The following TENM3 variants were observed in gnomAD, a reference collection of about 807,000 sequenced individuals.
The protein encoded by TENM3 is teneurin-3.
TENM3 carries 63 observed loss-of-function variants against 255.1 expected under a neutral mutation model. The ratio of observed to expected loss-of-function variants is 0.25; its 90% CI spans 0.20 to 0.30. TENM3 has a LOEUF of 0.30. Among genes scored for constraint, TENM3 ranks in the 10% least tolerant of loss-of-function variants. The pLI is 1.00. For missense variants in TENM3, 2,929 were observed against 3,461.1 expected (o/e 0.85, Z 3.86); for synonymous variants, 1,306 against 1,322.3 (o/e 0.99, Z 0.27).
chr4:182,604,665 G>A (rs1242123145), intron 4 of TENM3, among the ~76,000 whole-genome samples: 3 of 152,100 alleles, frequency 2.0e-5, no homozygotes, highest in East Asian at 1.9e-4. Flanking sequence ...ATTTATATAC[G>A]TGAATTAAAC....
chr4:182,623,167 C>T (rs185072409), intron 4 of TENM3, among the ~76,000 whole-genome samples: 4,243 of 151,902 alleles, frequency 0.028, 108 homozygotes, highest in Non-Finnish European at 0.037. Context: ...CCCACCACCA[C>T]GCCCGGCTAA....
the TENM3 span, among the ~76,000 whole-genome samples, chr4:181,884,091 T>C: frequency 6.6e-6 from 1 of 152,112 alleles, no homozygotes; most frequent in Non-Finnish European, 1.5e-5. Context: ...TCTAGATGAA[T>C]TGATAATTTT....
At chr4:182,222,409 G>T (rs1755898854) in intron 1 of TENM3, among the ~76,000 whole-genome samples, 1 of 152,322 alleles carries the variant, frequency 6.6e-6, no homozygotes. Flanking sequence ...GCAAAATTCA[G>T]ATCCAAGCAA....
Position 182,626,725 on chromosome 4 carries a change from T to C in TENM3, c.750-1926T>C, listed in dbSNP as rs534667235. ...AGGCTATAAACTTTTAAATTAGCTTTTTAAAGTAGTTCAGTGGGGGGAGAT... is the reference window on the plus strand; with the variant it reads ...AGGCTATAAACTTTTAAATTAGCTTCTTAAAGTAGTTCAGTGGGGGGAGAT... On this transcript the variant is annotated intron_variant, in intron 4 of 27. Coordinates refer to ENST00000511685, the MANE Select transcript of TENM3 (RefSeq NM_001080477.4). Among the ~76,000 whole-genome samples, 5 of 152,314 alleles carry C rather than the reference T, an allele frequency of 3.3e-5. No homozygotes were observed. The South Asian group carries it at 1.0e-3, about 32-fold the overall frequency.
rs760024186 is a variant in TENM3 at position 182,728,982 on chromosome 4, A to G, written c.2386A>G (p.Met796Val). ...DNEGDGLIDC[M>V]DPDCCLQSSC... The stretch of plus-strand genomic sequence containing the variant: ...CTCTACAGATGGACTCATTGACTGC[A>G]TGGATCCCGATTGCTGCCTACAGAG... The change falls in exon 14 of 28, where the codon ATG becomes GTG. Residue 796 changes from methionine (M) to valine (V), a missense_variant. This residue lies in a region of TENM3 where 1,608 missense variants were observed against 1,884.4 expected (regional missense o/e 0.85). Transcript: ENST00000511685. 6.2e-6 allele frequency: 10 copies of G among 1,613,912 alleles called. No individual in the cohort carries two copies. The highest frequency in any genetic ancestry group is 1.1e-5 in the South Asian group (1 of 91,082).
the TENM3 span, among the ~76,000 whole-genome samples, chr4:181,642,975 C>T: frequency 1.3e-5 from 2 of 152,148 alleles, no homozygotes; most frequent in Middle Eastern, 3.4e-3. Flanking sequence ...TTAGGGTTGT[C>T]TTGGCTATGT....
At chr4:181,648,255 G>A in the TENM3 span, among the ~76,000 whole-genome samples, 86 of 152,108 alleles carry the variant, frequency 5.7e-4, no homozygotes, top group Non-Finnish European at 1.1e-3. Context: ...GCTGCTAAAC[G>A]CTAGAACATG....
At chr4:181,670,348 A>G in the TENM3 span, among the ~76,000 whole-genome samples, 1 of 152,170 alleles carries the variant, frequency 6.6e-6, no homozygotes. Flanking sequence ...CTTCTCTGGT[A>G]ATTCTAGGTT....
At position 182,752,231 on chromosome 4, in the gene TENM3, TTACAG is replaced by T. The variant is rs1489525031; in HGVS notation, c.3862+202_3862+206del. ...AAACTGCTAGCATCCTAACTTGGTT[TTACAG>T]TAAATACTAGGTTCTTGGCATTTTT... On this transcript the variant is annotated intron_variant, in intron 20 of 27. Coordinates refer to ENST00000511685, the MANE Select transcript of TENM3 (RefSeq NM_001080477.4). Among the ~76,000 whole-genome samples, 10 of 152,290 alleles carry T rather than the reference TTACAG, an allele frequency of 6.6e-5. No individual in the cohort carries two copies. The East Asian group carries it at 1.7e-3, about 26-fold the overall frequency.
intron 6 of TENM3, among the ~76,000 whole-genome samples, chr4:182,669,687 T>A (rs1365830637): frequency 6.6e-6 from 1 of 152,186 alleles, no homozygotes; most frequent in Admixed American, 6.5e-5. Flanking sequence ...ATATATCTGA[T>A]TTTATATGAA....
chr4:181,652,830 C>T, the TENM3 span, among the ~76,000 whole-genome samples: 1 of 152,174 alleles, frequency 6.6e-6, no homozygotes, highest in South Asian at 2.1e-4. Context: ...ACTAATTGCT[C>T]AGTTTCTAAA....
At chr4:182,528,019 C>A (rs1427654095) in intron 3 of TENM3, among the ~76,000 whole-genome samples, 1 of 152,244 alleles carries the variant, frequency 6.6e-6, no homozygotes, top group Non-Finnish European at 1.5e-5. Flanking sequence ...AGCCACCAGG[C>A]CCGGTCTAGG....
chr4:182,310,656 A>G (rs758660399), intron 1 of TENM3, among the ~76,000 whole-genome samples: 4 of 141,860 alleles, frequency 2.8e-5, no homozygotes, highest in South Asian at 2.2e-4. Flanking sequence ...CTTTGTCTCC[A>G]TGTGGGGGAA....
chr4:182,302,194 C>A (rs1386143490), intron 1 of TENM3, among the ~76,000 whole-genome samples: 5 of 152,124 alleles, frequency 3.3e-5, no homozygotes, highest in Non-Finnish European at 5.9e-5. Flanking sequence ...TGTCTCCCTC[C>A]CTTAGCCTTT....
chr4:182,716,823 G>A (rs1759216279), intron 13 of TENM3, among the ~76,000 whole-genome samples: 1 of 152,198 alleles, frequency 6.6e-6, no homozygotes, highest in Admixed American at 6.5e-5. Context: ...TGATTGTAGT[G>A]TTATAGATCC....
chr4:181,872,445 T>C, the TENM3 span, among the ~76,000 whole-genome samples: 1 of 152,142 alleles, frequency 6.6e-6, no homozygotes, highest in Non-Finnish European at 1.5e-5. Flanking sequence ...TACCCATTAG[T>C]TATTTTTCCT....
the TENM3 span, among the ~76,000 whole-genome samples, chr4:181,657,576 C>T: frequency 6.6e-6 from 1 of 152,154 alleles, no homozygotes; most frequent in African/African-American, 2.4e-5. Context: ...GCAGAAAGCA[C>T]TTTGGAGGTT....
chr4:181,824,559 C>T, the TENM3 span, among the ~76,000 whole-genome samples: 6 of 152,048 alleles, frequency 3.9e-5, no homozygotes, highest in African/African-American at 9.7e-5. Context: ...AGTATATATA[C>T]TTAAATGTCA....
the TENM3 span, among the ~76,000 whole-genome samples, chr4:181,962,703 A>G: frequency 6.6e-6 from 1 of 152,230 alleles, no homozygotes; most frequent in Non-Finnish European, 1.5e-5. Flanking sequence ...CCTCCAAAGT[A>G]AAGCCTACAG....
Sources: allele counts gnomAD v4.1 joint callset (sites outside exome capture counted in the v4.1 genomes callset), GRCh38; gene constraint gnomAD v4.1.1; regional missense constraint gnomAD v4.1.1; transcripts MANE v1.5; gene names NCBI Gene and HGNC (gene_info 2026-07-23, HGNC 2026-07-21).